SESN1: variants seen among roughly 807,000 people sequenced by gnomAD.
SESN1 encodes the protein sestrin 1.
Under a neutral mutation model 59.3 loss-of-function variants are expected in SESN1, and 30 were observed. The ratio of observed to expected loss-of-function variants is 0.51; its 90% CI spans 0.38 to 0.69. The LOEUF is 0.69. Among genes scored for constraint, SESN1 ranks in the 30% least tolerant of loss-of-function variants. The pLI is 0.00. For synonymous variants in SESN1, 197 were observed against 219.9 expected (o/e 0.90, Z 0.92); for missense variants, 566 against 673.0 (o/e 0.84, Z 1.76).
At chr6:108,997,613 CTT>C (rs1390639817) in intron 5 of SESN1, among the ~76,000 whole-genome samples, 1 of 152,170 alleles carries the variant, frequency 6.6e-6, no homozygotes, top group Non-Finnish European at 1.5e-5. Context: ...CTCACAATAA[CTT>C]TGTGTTTTAC....
At chr6:109,065,803 T>C (rs1780815230) in intron 1 of SESN1, among the ~76,000 whole-genome samples, 1 of 151,880 alleles carries the variant, frequency 6.6e-6, no homozygotes, top group Non-Finnish European at 1.5e-5. Context: ...ATTAAATTAC[T>C]TTAATATTAC....
chr6:109,030,928 A>C (rs1780173456), intron 1 of SESN1, among the ~76,000 whole-genome samples: 1 of 152,234 alleles, frequency 6.6e-6, no homozygotes, highest in East Asian at 1.9e-4. Flanking sequence ...TTTCCTTTCC[A>C]CTACTCAACT....
At chr6:109,070,772 T>G (rs1017115308) in intron 1 of SESN1, among the ~76,000 whole-genome samples, 12 of 152,346 alleles carry the variant, frequency 7.9e-5, no homozygotes, top group African/African-American at 2.9e-4. Context: ...CAACATAGCA[T>G]TTTTCAAACT....
chr6:109,065,965 A>T (rs1483237408), intron 1 of SESN1, among the ~76,000 whole-genome samples: 1 of 152,156 alleles, frequency 6.6e-6, no homozygotes, highest in African/African-American at 2.4e-5. Flanking sequence ...ACTAAGAATA[A>T]GATCATCCCT....
intron 1 of SESN1, among the ~76,000 whole-genome samples, chr6:109,064,357 GA>G (rs1250424027): frequency 6.6e-6 from 1 of 151,320 alleles, no homozygotes; most frequent in East Asian, 1.9e-4. Flanking sequence ...GGCTATAATG[GA>G]AAATAGTGTA....
intron 1 of SESN1, among the ~76,000 whole-genome samples, chr6:109,007,831 A>G (rs1485631224): frequency 2.0e-5 from 3 of 151,244 alleles, no homozygotes; most frequent in Non-Finnish European, 4.4e-5. Flanking sequence ...TATTTTAGAA[A>G]AAAAACTTAC....
chr6:109,034,180 A>C (rs1459921727), intron 1 of SESN1, among the ~76,000 whole-genome samples: 15 of 152,216 alleles, frequency 9.9e-5, no homozygotes, highest in Admixed American at 7.9e-4. Flanking sequence ...TTAATTACTT[A>C]GCACAGCATT....
chr6:109,090,469 T>G (rs1781293321), intron 1 of SESN1: 1 of 152,186 alleles, frequency 6.6e-6, no homozygotes, highest in Non-Finnish European at 1.5e-5. Context: ...TTACTGATAA[T>G]ATAAACAGTC....
In SESN1 at chr6:109,008,954, A is replaced by G. The variant is rs1015138322; in HGVS notation, c.280-6611T>C. On this transcript the variant is annotated intron_variant, in intron 1 of 9. Coordinates refer to ENST00000436639, the MANE Select transcript of SESN1 (RefSeq NM_014454.3). Reference sequence around the variant, plus strand: ...CTAAATAATCTGTTTTCACAAGACAAGACAATCGAGGGGGCATATCCACAG... The same window carrying G: ...CTAAATAATCTGTTTTCACAAGACAGGACAATCGAGGGGGCATATCCACAG... 29 of 995,604 alleles carry G rather than the reference A, an allele frequency of 2.9e-5. No individual in the cohort carries two copies. The African/African-American group carries it at 4.9e-4, about 17-fold the overall frequency. 61.7% of individuals were successfully genotyped at this position (995,604 alleles called of 1,614,324 possible).
intron 1 of SESN1, among the ~76,000 whole-genome samples, chr6:109,046,391 G>A (rs987145776): frequency 6.6e-6 from 1 of 151,490 alleles, no homozygotes; most frequent in African/African-American, 2.4e-5. Flanking sequence ...AGTGCTCAAT[G>A]GTGCCCAGGC....
chr6:109,001,745 C>T (rs1306790104), intron 2 of SESN1, among the ~76,000 whole-genome samples: 1 of 152,076 alleles, frequency 6.6e-6, no homozygotes, highest in Non-Finnish European at 1.5e-5. Context: ...TGGCCAGAAT[C>T]CAGATAAAGA....
In SESN1 at chr6:109,055,197, A is replaced by C. The variant is rs565108740; in HGVS notation, c.279+38598T>G. Among the ~76,000 whole-genome samples, 81 of 152,274 alleles carry C rather than the reference A, an allele frequency of 5.3e-4. 1 individual carries two copies. In the East Asian group the frequency reaches 0.015, roughly 28 times the overall value. On this transcript the variant is annotated intron_variant, in intron 1 of 9. Coordinates refer to ENST00000436639, the MANE Select transcript of SESN1 (RefSeq NM_014454.3). ...GTGAAAAGAGGAAAGGGAGGGTAGG[A>C]TAACCCTGGTCCTTATCTCCGTTCA... is the stretch of plus-strand genomic sequence containing the variant.
At chr6:109,027,915 T>G (rs1317210981) in intron 1 of SESN1, among the ~76,000 whole-genome samples, 3 of 152,222 alleles carry the variant, frequency 2.0e-5, no homozygotes, top group African/African-American at 4.8e-5. Flanking sequence ...CATTTTTTAT[T>G]GGGTTGGTTA....
At chr6:109,068,333 G>A (rs533431860) in intron 1 of SESN1, among the ~76,000 whole-genome samples, 49 of 152,216 alleles carry the variant, frequency 3.2e-4, no homozygotes, top group African/African-American at 1.1e-3. Flanking sequence ...CATAATATAA[G>A]AACTGGCTGC....
At chr6:109,046,856 CG>C (rs1180545620) in intron 1 of SESN1, among the ~76,000 whole-genome samples, 1 of 132,536 alleles carries the variant, frequency 7.5e-6, no homozygotes, top group East Asian at 2.2e-4. Context: ...GCAACCACCC[CG>C]TATGAGAAGT....
At chr6:109,060,227 T>C (rs1460910036) in intron 1 of SESN1, among the ~76,000 whole-genome samples, 2 of 152,232 alleles carry the variant, frequency 1.3e-5, no homozygotes, top group Non-Finnish European at 2.9e-5. Flanking sequence ...TGTTGAGTTT[T>C]TTTTCTAGAA....
chr6:109,062,336 T>G (rs1369266230), intron 1 of SESN1, among the ~76,000 whole-genome samples: 1 of 152,184 alleles, frequency 6.6e-6, no homozygotes, highest in East Asian at 1.9e-4. Flanking sequence ...AAGTAAGCAG[T>G]AAGCAAAGAG....
rs530398285 is a variant in SESN1, at chr6:109,046,084, A to G, written c.280-43741T>C. Among the ~76,000 whole-genome samples the G allele has an allele frequency of 1.1e-3, 164 of 151,716 alleles. 4 individuals carry two copies. The South Asian group carries it at 0.033, about 30-fold the overall frequency. On this transcript the variant is annotated intron_variant, in intron 1 of 9. Coordinates refer to ENST00000436639, the MANE Select transcript of SESN1 (RefSeq NM_014454.3). The stretch of plus-strand genomic sequence containing the variant: ...AAGCTTAAAAAAATCTAATGCAATA[A>G]GATAATGTAGCTCTAGCCCTCTCCC...
intron 1 of SESN1, among the ~76,000 whole-genome samples, chr6:109,047,438 T>A (rs868735530): frequency 1.5e-5 from 2 of 132,734 alleles, no homozygotes; most frequent in Non-Finnish European, 3.4e-5. Context: ...GGAGCCCCTC[T>A]GCCCGGCCAG....
Sources: allele counts gnomAD v4.1 joint callset (sites outside exome capture counted in the v4.1 genomes callset), GRCh38; gene constraint gnomAD v4.1.1; transcripts MANE v1.5; gene names NCBI Gene and HGNC (gene_info 2026-07-23, HGNC 2026-07-21).